Variants in ST3GAL3 observed in about 807,000 individuals in gnomAD.
The protein encoded by ST3GAL3 is CMP-N-acetylneuraminate-beta-1,4-galactoside alpha-2,3-sialyltransferase.
A neutral mutation model predicts 50.1 loss-of-function variants in ST3GAL3; 21 were observed. The observed-to-expected ratio is 0.42, with a 90% CI of 0.30 to 0.60. The LOEUF is 0.60. Among genes scored for constraint, ST3GAL3 ranks in the 20% least tolerant of loss-of-function variants. ST3GAL3 has a pLI of 0.19. For synonymous variants in ST3GAL3, 183 were observed against 190.0 expected, an observed-to-expected ratio of 0.96 and a Z score of 0.30; for missense variants, 353 against 489.4, an observed-to-expected ratio of 0.72 and a Z score of 2.63.
chr1:43,831,245 T>C (rs2063502167), intron 4 of ST3GAL3, among the ~76,000 whole-genome samples: 1 of 152,220 alleles, frequency 6.6e-6, no homozygotes, highest in Admixed American at 6.5e-5. Flanking sequence ...AGTTTTCTCT[T>C]GTCAAAAATG....
intron 2 of ST3GAL3, among the ~76,000 whole-genome samples, chr1:43,783,410 G>T (rs1301437959): frequency 6.6e-6 from 1 of 152,120 alleles, no homozygotes; most frequent in East Asian, 1.9e-4. Context: ...ATGTCCCACT[G>T]ATACCAAGCT....
At chr1:43,795,362 T>A (rs1265607682) in intron 3 of ST3GAL3, among the ~76,000 whole-genome samples, 1 of 152,216 alleles carries the variant, frequency 6.6e-6, no homozygotes, top group Admixed American at 6.5e-5. Flanking sequence ...AGCCTCAAAT[T>A]ATAACTGGTT....
intron 3 of ST3GAL3, among the ~76,000 whole-genome samples, chr1:43,807,371 G>A (rs948470582): frequency 1.2e-4 from 18 of 152,022 alleles, no homozygotes; most frequent in South Asian, 4.2e-4. Context: ...AGCCGAGATC[G>A]TGCCACTGCA....
At chr1:43,811,569 T>A (rs1164558088) in intron 3 of ST3GAL3, among the ~76,000 whole-genome samples, 2 of 152,202 alleles carry the variant, frequency 1.3e-5, no homozygotes, top group Non-Finnish European at 2.9e-5. Flanking sequence ...TCCAGGCAGA[T>A]CTTCTGGAAA....
At chr1:43,716,791 A>G (rs1311590445) in intron 1 of ST3GAL3, among the ~76,000 whole-genome samples, 1 of 152,152 alleles carries the variant, frequency 6.6e-6, no homozygotes, top group Non-Finnish European at 1.5e-5. Flanking sequence ...AGGTTTATAA[A>G]TAGGAGGTGT....
At chr1:43,823,744 G>T (rs2062413400) in intron 4 of ST3GAL3, among the ~76,000 whole-genome samples, 1 of 152,154 alleles carries the variant, frequency 6.6e-6, no homozygotes, top group Non-Finnish European at 1.5e-5. Flanking sequence ...ATTACTTAGT[G>T]ATCAATTAAT....
chr1:43,904,149 G>C (rs968695742), intron 9 of ST3GAL3, among the ~76,000 whole-genome samples: 1 of 152,126 alleles, frequency 6.6e-6, no homozygotes, highest in African/African-American at 2.4e-5. Flanking sequence ...GCCTAGAGGA[G>C]GGAGAGACAA....
intron 3 of ST3GAL3, among the ~76,000 whole-genome samples, chr1:43,794,346 TA>T (rs2058448999): frequency 6.6e-6 from 1 of 152,178 alleles, no homozygotes; most frequent in South Asian, 2.1e-4. Context: ...AAATGCAAAT[TA>T]GAATCCCAAT....
intron 5 of ST3GAL3, among the ~76,000 whole-genome samples, chr1:43,884,928 C>T (rs774951666): frequency 2.6e-5 from 4 of 152,200 alleles, no homozygotes; most frequent in Non-Finnish European, 4.4e-5. Context: ...CTGCTGGTGC[C>T]CACACATAAC....
At chr1:43,783,580 C>G (rs1055746678) in intron 2 of ST3GAL3, among the ~76,000 whole-genome samples, 4 of 152,176 alleles carry the variant, frequency 2.6e-5, no homozygotes, top group African/African-American at 4.8e-5. Flanking sequence ...TTTCCTGTTT[C>G]TAGAGCAGCT....
chr1:43,881,632 G>T (rs1162141730), intron 5 of ST3GAL3, among the ~76,000 whole-genome samples: 1 of 152,198 alleles, frequency 6.6e-6, no homozygotes, highest in African/African-American at 2.4e-5. Flanking sequence ...CTGCCCCCTT[G>T]AGGGCCTCTG....
At chr1:43,832,432 G>A (rs1198246379) in intron 4 of ST3GAL3, among the ~76,000 whole-genome samples, 2 of 152,186 alleles carry the variant, frequency 1.3e-5, no homozygotes, top group Non-Finnish European at 2.9e-5. Context: ...TGTCGTAGAT[G>A]GCTGTACACG....
intron 5 of ST3GAL3, among the ~76,000 whole-genome samples, chr1:43,883,504 C>T (rs1316712787): frequency 6.6e-6 from 1 of 152,236 alleles, no homozygotes; most frequent in Non-Finnish European, 1.5e-5. Context: ...TGAAATTGGT[C>T]CTGACACAGC....
At chr1:43,802,166 G>A (rs2154164291) in intron 3 of ST3GAL3, among the ~76,000 whole-genome samples, 1 of 152,188 alleles carries the variant, frequency 6.6e-6, no homozygotes, top group African/African-American at 2.4e-5. Flanking sequence ...TTATTCAGGA[G>A]TTTTGTCTGG....
intron 2 of ST3GAL3, among the ~76,000 whole-genome samples, chr1:43,740,692 G>A (rs1558088836): frequency 2.0e-5 from 3 of 152,048 alleles, no homozygotes; most frequent in South Asian, 2.1e-4. Flanking sequence ...CGTGTACGGC[G>A]AGTGGTATAG....
At chr1:43,801,731 A>G (rs12116672) in intron 3 of ST3GAL3, 5,582 of 172,642 alleles carry the variant, frequency 0.032, 148 homozygotes, top group Non-Finnish European at 0.052. Flanking sequence ...AAGCAGGAGG[A>G]TCAGTTGAGC....
chr1:43,712,007 G>A (rs1203098318), intron 1 of ST3GAL3, among the ~76,000 whole-genome samples: 1 of 152,178 alleles, frequency 6.6e-6, no homozygotes, highest in Admixed American at 6.5e-5. Context: ...AATAGAAACA[G>A]TGCTGGTTGG....
intron 2 of ST3GAL3, among the ~76,000 whole-genome samples, chr1:43,769,653 T>C (rs1170264799): frequency 6.6e-6 from 1 of 152,210 alleles, no homozygotes; most frequent in African/African-American, 2.4e-5. Flanking sequence ...CTGGACTAGA[T>C]GGTTCAAGTG....
chr1:43,802,995 G>A (rs1054630673), intron 3 of ST3GAL3, among the ~76,000 whole-genome samples: 5 of 151,952 alleles, frequency 3.3e-5, no homozygotes, highest in African/African-American at 4.8e-5. Flanking sequence ...GCGCCATCTC[G>A]GCTCACTGCA....
Sources: gnomAD v4.1 joint callset for allele counts (sites outside exome capture counted in the v4.1 genomes callset) on GRCh38, gnomAD v4.1.1 for gene constraint, MANE v1.5 for transcripts, NCBI Gene and HGNC (gene_info 2026-07-23, HGNC 2026-07-21) for gene names.